The following OSBPL5 variants were observed in gnomAD, a reference collection of about 807,000 sequenced individuals.
OSBPL5 encodes the protein oxysterol-binding protein-related protein 5.
A neutral mutation model predicts 111.2 loss-of-function variants in OSBPL5; 71 were observed. The ratio of observed to expected loss-of-function variants is 0.64; its 90% CI spans 0.53 to 0.78. The LOEUF is 0.78. OSBPL5 is among the 30% of genes least tolerant of loss of function. The pLI, the probability that OSBPL5 is intolerant of heterozygous loss-of-function variation, is 0.00. For missense variants in OSBPL5, 1,210 were observed against 1,189.3 expected, an observed-to-expected ratio of 1.02 and a Z score of -0.26; for synonymous variants, 549 against 513.9, an observed-to-expected ratio of 1.07 and a Z score of -0.93.
Position 3,093,562 on chromosome 11 carries a change from C to T in OSBPL5, c.1911G>A (p.Val637=). The part of the protein sequence containing the change: ...VRRQRLRQHT[V]PLEEQTELES... ...CCAGCTCCGTCTGCTCCTCCAGCGG[C>T]ACCGTGTGCTGCCTCAGCCTCTGTC... The change falls in exon 17 of 22, where the codon GTG becomes GTA. Residue 637 remains valine (V), a synonymous_variant. Coordinates refer to ENST00000263650, the MANE Select transcript of OSBPL5 (RefSeq NM_020896.4). 1.2e-6 allele frequency: 2 copies of T among 1,611,682 alleles called. No homozygotes were observed. The highest frequency in any genetic ancestry group is 1.7e-6 in the Non-Finnish European group (2 of 1,179,936).
chr11:3,148,169 A>AG (rs1846429190), intron 1 of OSBPL5, among the ~76,000 whole-genome samples: 1 of 151,834 alleles, frequency 6.6e-6, no homozygotes, highest in African/African-American at 2.4e-5. Context: ...TACAGCCGGG[A>AG]CTCCCCGGGG....
At position 3,114,591 on chromosome 11, in the gene OSBPL5, A is replaced by ACTTTTTTTTTTTTTTTTTTTTTTT. The variant is rs774192603; in HGVS notation, c.691+4955_691+4956insAAAAAAAAAAAAAAAAAAAAAAAG. 6.0e-4 allele frequency among the ~76,000 whole-genome samples: 68 copies of ACTTTTTTTTTTTTTTTTTTTTTTT among 113,900 alleles called. 28 individuals carry two copies. Among genetic ancestry groups the ACTTTTTTTTTTTTTTTTTTTTTTT allele is most frequent in the African/African-American group, 5.6e-4 (16 of 28,388 alleles). The allele number at this position is 113,900 out of a possible 152,430, so 74.7% of individuals were successfully genotyped here. A position where few individuals can be genotyped will look rare whatever the true frequency, so the allele number is the denominator to read the frequency against. On this transcript the variant is annotated intron_variant, in intron 7 of 21. Transcript: ENST00000263650. ...GACTAAAGAATTGGTTAGAACAATG[A>ACTTTTTTTTTTTTTTTTTTTTTTT]TTTTTTTTTTTTTTTTTTTTTTTTT...
intron 14 of OSBPL5, among the ~76,000 whole-genome samples, chr11:3,096,173 G>T (rs1857245325): frequency 6.6e-6 from 1 of 152,230 alleles, no homozygotes; most frequent in African/African-American, 2.4e-5. Flanking sequence ...CTGATGCAGA[G>T]ACCCAGCCAA....
intron 5 of OSBPL5, 109 bp from the exon 6 acceptor site, chr11:3,120,733 G>A: frequency 4.2e-6 from 5 of 1,192,974 alleles, no homozygotes; most frequent in Non-Finnish European, 5.9e-6. Context: ...GCTGCCGAGG[G>A]GCCCTTCCCC....
Position 3,107,950 on chromosome 11 carries a change from G to C in OSBPL5, c.692-5C>G, listed in dbSNP as rs535556267. 1 of 1,591,990 alleles carries C rather than the reference G, an allele frequency of 6.3e-7. No homozygotes were observed. Among genetic ancestry groups the C allele is most frequent in the South Asian group, 1.1e-5 (1 of 90,740 alleles). On this transcript the variant is annotated splice_polypyrimidine_tract_variant and splice_region_variant and intron_variant, in intron 7 of 21. Coordinates refer to ENST00000263650, the MANE Select transcript of OSBPL5 (RefSeq NM_020896.4). This position sits in a 1 kb window ranked among gnomAD's most constrained non-coding sequence, Gnocchi z 6.1. Reference sequence around the variant, plus strand: ...GGGCGTCCAGCCAGCAGCGACCTGCGGGGCACACGGGATGAGCATGCCCCA... The same window carrying C: ...GGGCGTCCAGCCAGCAGCGACCTGCCGGGCACACGGGATGAGCATGCCCCA...
chr11:3,093,473 C>T, intron 17 of OSBPL5, 54 bp downstream of exon 17: 2 of 1,587,204 alleles, frequency 1.3e-6, no homozygotes, highest in Non-Finnish European at 1.7e-6. Context: ...GACCTGCCTG[C>T]TTGGCCATGT....
At chr11:3,100,910 C>T (rs7117175) in intron 13 of OSBPL5, among the ~76,000 whole-genome samples, 24,143 of 151,898 alleles carry the variant, frequency 0.16, 2,075 homozygotes, top group Admixed American at 0.21. Context: ...TGTCCCACTC[C>T]GGGGCCAACA....
chr11:3,107,991 A>G lies in OSBPL5; in HGVS notation c.692-46T>C, dbSNP rs1857772953. 3.2e-6 allele frequency: 5 copies of G among 1,578,928 alleles called. No homozygotes were observed. The highest frequency in any genetic ancestry group is 4.3e-6 in the Non-Finnish European group (5 of 1,170,460). On this transcript the variant is annotated intron_variant, in intron 7 of 21. Transcript: ENST00000263650. This position sits in a 1 kb window ranked among gnomAD's most constrained non-coding sequence, Gnocchi z 6.1. ...GCATGCCCCACCCCCACCTCTGTAT[A>G]TCCCGCATCCCCCAAGGGGCCACCA...
Position 3,141,328 on chromosome 11 carries a change from T to A in OSBPL5, c.-21-12159A>T, listed in dbSNP as rs1037177542. The stretch of plus-strand genomic sequence containing the variant: ...CGGGAACACACCCTCGGGTCCAGCA[T>A]CCTCCCTGTGACTCTGCATAGTGGG... On this transcript the variant is annotated intron_variant, in intron 1 of 21. Transcript: ENST00000263650. This position sits in a 1 kb window ranked among gnomAD's most constrained non-coding sequence, Gnocchi z 6.5. Among the ~76,000 whole-genome samples, 1 of 151,960 alleles carries A rather than the reference T, an allele frequency of 6.6e-6. No homozygotes were observed. The highest frequency in any genetic ancestry group is 2.4e-5 in the African/African-American group (1 of 41,390).
chr11:3,097,021 G>T (rs1194365037), intron 14 of OSBPL5, among the ~76,000 whole-genome samples: 1 of 10,382 alleles, frequency 9.6e-5, no homozygotes, highest in African/African-American at 3.4e-4. Flanking sequence ...AAGACGGGAG[G>T]GGGAGGAGAG....
rs1858418859 is a variant in OSBPL5 at position 3,121,571 on chromosome 11, G to A, written c.402+426C>T. On this transcript the variant is annotated intron_variant, in intron 5 of 21. Coordinates refer to ENST00000263650, the MANE Select transcript of OSBPL5 (RefSeq NM_020896.4). The surrounding 1 kb of genome is among the most constrained non-coding windows in gnomAD (Gnocchi z 4.3). ...AGTTTTACCTCCACTGTACACAAGG[G>A]GAAATGGAGGCTCAGAGGCGAGTGA... is the stretch of plus-strand genomic sequence containing the variant. Among the ~76,000 whole-genome samples the A allele has an allele frequency of 6.6e-6, 1 of 152,108 alleles. No homozygotes were observed. The highest frequency in any genetic ancestry group is 2.1e-4 in the South Asian group (1 of 4,826).
chr11:3,110,167 G>A lies in OSBPL5; in HGVS notation c.692-2222C>T, dbSNP rs999946299. On this transcript the variant is annotated intron_variant, in intron 7 of 21. Coordinates refer to ENST00000263650, the MANE Select transcript of OSBPL5 (RefSeq NM_020896.4). The surrounding 1 kb of genome is among the most constrained non-coding windows in gnomAD (Gnocchi z 5.3). ...CCGAGACTCCAACCTGAGAGGCACC[G>A]GAGCCCCGTGGTCAAGGCCAGACTG... Among the ~76,000 whole-genome samples the A allele has an allele frequency of 1.4e-4, 21 of 152,300 alleles. No individual in the cohort carries two copies. The highest frequency in any genetic ancestry group is 3.9e-4 in the Admixed American group (6 of 15,308).
At chr11:3,112,033 G>GTATGTGTGTGTGCA (rs1857981547) in intron 7 of OSBPL5, among the ~76,000 whole-genome samples, 1 of 113,164 alleles carries the variant, frequency 8.8e-6, no homozygotes, top group Non-Finnish European at 1.9e-5. Context: ...GCATGTGTGT[G>GTATGTGTGTGTGCA]TATGTGTGCG....
In OSBPL5 at chr11:3,126,356, G is replaced by GA. The variant is rs1858624299; in HGVS notation, c.219+116dup. ...TCTAGGATTGGGAGCTGTTTCCCCC[G>GA]AACAGGCTGGAATGGCAGGCTCAGC... On this transcript the variant is annotated intron_variant, in intron 3 of 21. Coordinates refer to ENST00000263650, the MANE Select transcript of OSBPL5 (RefSeq NM_020896.4). This position sits in a 1 kb window ranked among gnomAD's most constrained non-coding sequence, Gnocchi z 6.5. 1 of 913,260 alleles carries GA rather than the reference G, an allele frequency of 1.1e-6. No homozygotes were observed. The highest frequency in any genetic ancestry group is 1.7e-5 in the African/African-American group (1 of 58,842). The allele number at this position is 913,260 out of a possible 1,614,324, so 56.6% of individuals were successfully genotyped here. A position where few individuals can be genotyped will look rare whatever the true frequency, so the allele number is the denominator to read the frequency against.
intron 7 of OSBPL5, among the ~76,000 whole-genome samples, chr11:3,119,147 T>C (rs1858312061): frequency 6.6e-6 from 1 of 152,220 alleles, no homozygotes; most frequent in African/African-American, 2.4e-5. Flanking sequence ...GTAGCTGGGA[T>C]TACAGGCGCC....
chr11:3,151,232 C>T (rs139499332), intron 1 of OSBPL5, among the ~76,000 whole-genome samples: 9 of 152,240 alleles, frequency 5.9e-5, no homozygotes, highest in South Asian at 2.1e-4. Flanking sequence ...GCAGCCCTGC[C>T]GGCACTGGGA....
chr11:3,135,876 G>A (rs537458969), intron 1 of OSBPL5, among the ~76,000 whole-genome samples: 7 of 152,316 alleles, frequency 4.6e-5, no homozygotes, highest in Admixed American at 1.3e-4. Context: ...GAGTTGCGGA[G>A]GGGACAGAGG....
At chr11:3,117,295 T>C (rs1381046073) in intron 7 of OSBPL5, among the ~76,000 whole-genome samples, 1 of 152,222 alleles carries the variant, frequency 6.6e-6, no homozygotes, top group Non-Finnish European at 1.5e-5. Context: ...CTGTGGTAAG[T>C]AAAGAATGTC....
At chr11:3,131,734 CCTCCCAGG>C (rs1224553651) in intron 1 of OSBPL5, among the ~76,000 whole-genome samples, 135 of 97,558 alleles carry the variant, frequency 1.4e-3, no homozygotes, top group South Asian at 2.1e-3. Context: ...ATCCATCCAT[CCTCCCAGG>C]CATCCATCCA....
Sources: allele counts gnomAD v4.1 joint callset (sites outside exome capture counted in the v4.1 genomes callset), GRCh38; gene constraint gnomAD v4.1.1; non-coding constraint Gnocchi (gnomAD v3.1); transcripts MANE v1.5; gene names NCBI Gene and HGNC (gene_info 2026-07-23, HGNC 2026-07-21).